The following COBLL1 variants were observed in gnomAD, a reference collection of about 807,000 sequenced individuals.
COBLL1 encodes the protein cordon-bleu WH2 repeat protein like 1, also known as cordon-bleu protein-like 1.
COBLL1 carries 50 observed loss-of-function variants against 94.8 expected under a neutral mutation model. The observed-to-expected ratio is 0.53, with a 90% CI of 0.42 to 0.67. COBLL1 has a LOEUF of 0.67. Ranked by LOEUF, COBLL1 falls within the 30% of genes least tolerant of loss-of-function variation. The pLI is 0.00. For synonymous variants in COBLL1, 448 were observed against 473.8 expected (o/e 0.95, Z 0.71); for missense variants, 1,362 against 1,348.7 (o/e 1.01, Z -0.15).
intron 7 of COBLL1, among the ~76,000 whole-genome samples, chr2:164,711,869 C>T (rs1684916062): frequency 6.6e-6 from 1 of 152,064 alleles, no homozygotes; most frequent in Non-Finnish European, 1.5e-5. Context: ...TAGAGATGTT[C>T]AATTATTTAC....
intron 2 of COBLL1, among the ~76,000 whole-genome samples, chr2:164,766,113 T>A (rs1467885817): frequency 1.3e-5 from 2 of 152,208 alleles, no homozygotes; most frequent in African/African-American, 4.8e-5. Context: ...TGTTGTAGCA[T>A]ATATCCATAC....
intron 3 of COBLL1, among the ~76,000 whole-genome samples, chr2:164,733,668 GT>G (rs1282702967): frequency 6.6e-6 from 1 of 152,188 alleles, no homozygotes; most frequent in Non-Finnish European, 1.5e-5. Flanking sequence ...TGAATTTTCA[GT>G]AAGTGGTACT....
chr2:164,700,595 G>A lies in COBLL1; in HGVS notation c.1387C>T (p.Leu463Phe), dbSNP rs144991135. The A allele has an allele frequency of 7.6e-4, 1,233 of 1,613,766 alleles. 7 individuals carry two copies. The African/African-American group carries it at 0.014, about 19-fold the overall frequency. ...NTLKNDPDSA[L>F]GNGSGEFSQN... The stretch of plus-strand genomic sequence containing the variant: ...GAGAACTCTCCACTACCATTGCCAA[G>A]GGCTGAGTCAGGATCATTTTTCAGT... The change falls in exon 10 of 14, where the codon CTT becomes TTT. Residue 463 changes from leucine (L) to phenylalanine (F), a missense_variant. By Grantham distance (22) the Leu-to-Phe change is conservative. Transcript: ENST00000652658.
In COBLL1 at chr2:164,681,697, T is replaced by A. The variant is rs1683049990; in HGVS notation, c.*4249A>T. 1 of 152,178 alleles carries A rather than the reference T, an allele frequency of 6.6e-6. No individual in the cohort carries two copies. Among genetic ancestry groups the A allele is most frequent in the Non-Finnish European group, 1.5e-5 (1 of 68,028 alleles). 9.4% of individuals were successfully genotyped at this position (152,178 alleles called of 1,614,324 possible). On this transcript the variant is annotated 3_prime_UTR_variant, in exon 14 of 14. Transcript: ENST00000652658. ...TAAACTGGGGAGCAAAAAAGTTGCT[T>A]CTTTTTGAAAACTATACATTTGTTT...
chr2:164,756,012 A>G (rs1687381101), intron 2 of COBLL1, among the ~76,000 whole-genome samples: 1 of 145,284 alleles, frequency 6.9e-6, no homozygotes, highest in African/African-American at 2.5e-5. Flanking sequence ...ACACATACAA[A>G]TGTGTGAGTA....
At position 164,681,558 on chromosome 2, in the gene COBLL1, A is replaced by G. The variant is rs1365856677; in HGVS notation, c.*4388T>C. 5 of 152,268 alleles carry G rather than the reference A, an allele frequency of 3.3e-5. No homozygotes were observed. Among genetic ancestry groups the G allele is most frequent in the African/African-American group, 7.2e-5 (3 of 41,446 alleles). The allele number at this position is 152,268 out of a possible 1,614,324, so 9.4% of individuals were successfully genotyped here. The stretch of plus-strand genomic sequence containing the variant: ...CAAAAGGTACGGATGCAAGAGAGGG[A>G]AAGAACTGAGGCCATCACTGCTATC... On this transcript the variant is annotated 3_prime_UTR_variant, in exon 14 of 14. Coordinates refer to ENST00000652658, the MANE Select transcript of COBLL1 (RefSeq NM_001365672.2).
At chr2:164,662,797 G>C (rs528082475) in intron 2 of COBLL1, among the ~76,000 whole-genome samples, 2 of 152,142 alleles carry the variant, frequency 1.3e-5, no homozygotes, top group Non-Finnish European at 2.9e-5. Context: ...TCCTGTTCTG[G>C]CCACGTGACA....
chr2:164,693,826 T>G (rs1009645440), intron 12 of COBLL1, among the ~76,000 whole-genome samples: 3 of 152,182 alleles, frequency 2.0e-5, no homozygotes, highest in African/African-American at 4.8e-5. Flanking sequence ...AGCTAAGAGA[T>G]GCTCAGTTAT....
intron 1 of COBLL1, among the ~76,000 whole-genome samples, chr2:164,667,354 A>G (rs537445747): frequency 1.2e-4 from 18 of 152,216 alleles, no homozygotes; most frequent in Non-Finnish European, 2.2e-4. Flanking sequence ...CTAAATGAGC[A>G]CTGGTTTCAA....
chr2:164,841,235 G>T lies in COBLL1; in HGVS notation c.-39C>A, dbSNP rs970652469. On this transcript the variant is annotated 5_prime_UTR_variant, in exon 2 of 14. Coordinates refer to ENST00000652658, the MANE Select transcript of COBLL1 (RefSeq NM_001365672.2). This position sits in a 1 kb window ranked among gnomAD's most constrained non-coding sequence, Gnocchi z 5.5. ...GCTGCGCGGGCTCCAGCTCCCAGGC[G>T]GCGCGTCACTGCTGGGGTGGGAGAG... The T allele has an allele frequency of 2.4e-6, 3 of 1,229,734 alleles. No individual in the cohort carries two copies. The highest frequency in any genetic ancestry group is 3.1e-5 in the African/African-American group (2 of 64,120). The allele number at this position is 1,229,734 out of a possible 1,614,324, so 76.2% of individuals were successfully genotyped here.
intron 13 of COBLL1, among the ~76,000 whole-genome samples, chr2:164,689,486 A>C (rs1174856719): frequency 2.6e-5 from 4 of 152,186 alleles, no homozygotes; most frequent in African/African-American, 9.6e-5. Context: ...ACAGAAACAT[A>C]AGACTTAAGC....
chr2:164,739,566 AAAAT>A (rs1397442500), intron 3 of COBLL1, among the ~76,000 whole-genome samples: 1 of 152,234 alleles, frequency 6.6e-6, no homozygotes, highest in African/African-American at 2.4e-5. Flanking sequence ...CTACACTATC[AAAAT>A]AAATATACAA....
intron 13 of COBLL1, chr2:164,687,351 T>G: frequency 1.4e-6 from 1 of 699,346 alleles, no homozygotes; most frequent in South Asian, 1.6e-5. Flanking sequence ...CCCACAGCCA[T>G]ATGAGCCACT....
chr2:164,693,897 A>C (rs1398481168), intron 12 of COBLL1, among the ~76,000 whole-genome samples: 1 of 152,118 alleles, frequency 6.6e-6, no homozygotes, highest in Admixed American at 6.6e-5. Flanking sequence ...CTTTACTATT[A>C]CATAGTAATG....
chr2:164,662,899 C>A (rs138305487), intron 2 of COBLL1, among the ~76,000 whole-genome samples: 23 of 152,280 alleles, frequency 1.5e-4, no homozygotes, highest in Non-Finnish European at 2.5e-4. Context: ...CTTGTACAGC[C>A]TGCAGAATGA....
At chr2:164,749,320 C>T (rs1687016798) in intron 2 of COBLL1, among the ~76,000 whole-genome samples, 1 of 152,000 alleles carries the variant, frequency 6.6e-6, no homozygotes, top group Non-Finnish European at 1.5e-5. Context: ...ATATTAAATA[C>T]AAAAATATGA....
chr2:164,821,343 C>T (rs569553965), intron 2 of COBLL1, among the ~76,000 whole-genome samples: 5 of 152,242 alleles, frequency 3.3e-5, no homozygotes, highest in African/African-American at 7.2e-5. Flanking sequence ...GTCAAGAGAA[C>T]GAACCTCGTC....
chr2:164,805,285 CTG>C (rs1486660439), intron 2 of COBLL1, among the ~76,000 whole-genome samples: 25 of 47,362 alleles, frequency 5.3e-4, no homozygotes, highest in Non-Finnish European at 6.9e-4. Context: ...TTCTCTCTGT[CTG>C]TCTCTCTCTC....
chr2:164,841,191 G>A lies in COBLL1; in HGVS notation c.6C>T (p.Asp2=), dbSNP rs1278869808. Residue 2 remains aspartate, a synonymous_variant, in exon 2 of 14, where the codon GAC becomes GAT. Transcript: ENST00000652658. The surrounding 1 kb of genome is among the most constrained non-coding windows in gnomAD (Gnocchi z 5.5). ...CGTCCTGCGGGCGCGGGGTTCGGCCGTCCATCGCCCTGCGGGGCGCTGCGC... is the reference window on the plus strand; with the variant it reads ...CGTCCTGCGGGCGCGGGGTTCGGCCATCCATCGCCCTGCGGGGCGCTGCGC... M[D]GRTPRPQDAP... 1 of 1,232,626 alleles carries A rather than the reference G, an allele frequency of 8.1e-7. No homozygotes were observed. The highest frequency in any genetic ancestry group is 1.0e-6 in the Non-Finnish European group (1 of 989,282). 76.4% of individuals were successfully genotyped at this position (1,232,626 alleles called of 1,614,324 possible).
Sources: allele counts gnomAD v4.1 joint callset (sites outside exome capture counted in the v4.1 genomes callset), GRCh38; gene constraint gnomAD v4.1.1; non-coding constraint Gnocchi (gnomAD v3.1); transcripts MANE v1.5; gene names NCBI Gene and HGNC (gene_info 2026-07-23, HGNC 2026-07-21).